Variants in ZCWPW2 observed in about 807,000 individuals in gnomAD.
The protein encoded by ZCWPW2 is zinc finger CW-type PWWP domain protein 2.
In ZCWPW2, 45 loss-of-function variants were observed where a neutral mutation model predicts 46.6. The ratio of observed to expected loss-of-function variants is 0.96; its 90% CI spans 0.76 to 1.24. The LOEUF is 1.24. Among genes scored for constraint, ZCWPW2 ranks in the 50% most tolerant of loss-of-function variants. The pLI is 0.00. For synonymous variants in ZCWPW2, 152 were observed against 137.1 expected, an observed-to-expected ratio of 1.11 and a Z score of -0.76; for missense variants, 429 against 403.9, an observed-to-expected ratio of 1.06 and a Z score of -0.53.
intron 3 of ZCWPW2, among the ~76,000 whole-genome samples, chr3:28,430,517 G>A (rs1025440898): frequency 1.9e-4 from 29 of 152,318 alleles, no homozygotes; most frequent in African/African-American, 6.3e-4. Flanking sequence ...GGTTAAGCTG[G>A]AATGAGTTAA....
chr3:28,492,356 CTTATA>C (rs889516606), intron 6 of ZCWPW2, among the ~76,000 whole-genome samples, 183 bp downstream of exon 6: 17 of 152,048 alleles, frequency 1.1e-4, no homozygotes, highest in African/African-American at 4.1e-4. Flanking sequence ...TTTATGGTTA[CTTATA>C]TTAATGTTAT....
At chr3:28,461,690 C>A (rs1244866051) in intron 4 of ZCWPW2, 3 of 152,022 alleles carry the variant, frequency 2.0e-5, no homozygotes, top group Non-Finnish European at 4.4e-5. Context: ...TGAAATTCTT[C>A]TAGGTTCCAA....
At chr3:28,401,909 G>A (rs2125729031) in intron 2 of ZCWPW2, among the ~76,000 whole-genome samples, 1 of 151,492 alleles carries the variant, frequency 6.6e-6, no homozygotes, top group East Asian at 1.9e-4. Flanking sequence ...AAAACCTCTG[G>A]GATACAGCAA....
chr3:28,423,588 G>A (rs1168810160), intron 3 of ZCWPW2, among the ~76,000 whole-genome samples: 2 of 151,712 alleles, frequency 1.3e-5, no homozygotes, highest in Admixed American at 6.6e-5. Flanking sequence ...GGATGGTCTC[G>A]ATCTCCTAAC....
chr3:28,485,194 A>G (rs1699557348), intron 5 of ZCWPW2, among the ~76,000 whole-genome samples: 1 of 151,636 alleles, frequency 6.6e-6, no homozygotes, highest in Non-Finnish European at 1.5e-5. Flanking sequence ...TTAATCTCCA[A>G]GTATTTTGGA....
At chr3:28,505,106 T>G (rs1345697844) in intron 6 of ZCWPW2, among the ~76,000 whole-genome samples, 1 of 152,160 alleles carries the variant, frequency 6.6e-6, no homozygotes, top group Non-Finnish European at 1.5e-5. Context: ...CTTTTATGCC[T>G]TTTGTTTAGG....
At chr3:28,515,254 A>T (rs1233084708) in intron 7 of ZCWPW2, among the ~76,000 whole-genome samples, 1 of 152,132 alleles carries the variant, frequency 6.6e-6, no homozygotes, top group African/African-American at 2.4e-5. Flanking sequence ...TCAAATTCTC[A>T]GTTTCTTTAT....
intron 4 of ZCWPW2, among the ~76,000 whole-genome samples, chr3:28,455,502 G>A (rs2125783577): frequency 6.6e-6 from 1 of 151,666 alleles, no homozygotes; most frequent in African/African-American, 2.4e-5. Flanking sequence ...GATCCCATTT[G>A]TCAATTTTTG....
At chr3:28,388,222 C>T (rs1339575488) in intron 1 of ZCWPW2, among the ~76,000 whole-genome samples, 1 of 152,140 alleles carries the variant, frequency 6.6e-6, no homozygotes, top group Non-Finnish European at 1.5e-5. Context: ...TAGTGCTAAT[C>T]TCGTCCAAAA....
chr3:28,393,174 A>G (rs1443169013), intron 2 of ZCWPW2, among the ~76,000 whole-genome samples: 2 of 152,128 alleles, frequency 1.3e-5, no homozygotes, highest in Admixed American at 6.5e-5. Flanking sequence ...GAACAATTAT[A>G]TGACAACAAA....
chr3:28,406,239 G>A (rs1696153042), intron 2 of ZCWPW2, among the ~76,000 whole-genome samples: 1 of 152,186 alleles, frequency 6.6e-6, no homozygotes, highest in South Asian at 2.1e-4. Flanking sequence ...AGTAAAGAAT[G>A]AGAAAGCATG....
At chr3:28,437,266 G>A (rs1697538799) in intron 4 of ZCWPW2, among the ~76,000 whole-genome samples, 1 of 152,106 alleles carries the variant, frequency 6.6e-6, no homozygotes, top group East Asian at 1.9e-4. Context: ...ACTGGTTATT[G>A]CTAAATCTTA....
chr3:28,468,010 G>A (rs994821197), intron 4 of ZCWPW2, among the ~76,000 whole-genome samples: 18 of 152,086 alleles, frequency 1.2e-4, no homozygotes, highest in African/African-American at 3.9e-4. Context: ...GAAGAGATAC[G>A]TGACCTTTCA....
intron 1 of ZCWPW2, among the ~76,000 whole-genome samples, chr3:28,389,673 T>G (rs1402286360): frequency 6.6e-6 from 1 of 152,214 alleles, no homozygotes; most frequent in African/African-American, 2.4e-5. Context: ...AGAATCTGTC[T>G]TAGAGTTCTT....
chr3:28,373,777 A>G (rs1274029766), intron 1 of ZCWPW2, among the ~76,000 whole-genome samples: 1 of 151,928 alleles, frequency 6.6e-6, no homozygotes, highest in African/African-American at 2.4e-5. Context: ...ACCTGGCTCC[A>G]TTTGTATGTC....
intron 4 of ZCWPW2, among the ~76,000 whole-genome samples, chr3:28,473,573 C>A (rs867661236): frequency 6.6e-6 from 1 of 152,090 alleles, no homozygotes; most frequent in Non-Finnish European, 1.5e-5. Context: ...AAGAGATAAT[C>A]TACACTCTAA....
intron 1 of ZCWPW2, among the ~76,000 whole-genome samples, chr3:28,376,111 C>T (rs1173389159): frequency 1.3e-5 from 2 of 151,934 alleles, no homozygotes; most frequent in Non-Finnish European, 2.9e-5. Context: ...CATAGGGGTA[C>T]CGATGTCTTT....
chr3:28,368,047 A>G (rs534510869), intron 1 of ZCWPW2, among the ~76,000 whole-genome samples: 11 of 152,030 alleles, frequency 7.2e-5, no homozygotes, highest in Non-Finnish European at 1.3e-4. Context: ...ATCTCTGCAC[A>G]TGAGATGGGT....
intron 4 of ZCWPW2, among the ~76,000 whole-genome samples, chr3:28,444,632 A>G (rs1288795005): frequency 6.6e-6 from 1 of 152,090 alleles, no homozygotes; most frequent in African/African-American, 2.4e-5. Context: ...CAGGTCAGTC[A>G]CTCGCATGAT....
Sources: gnomAD v4.1 joint callset for allele counts (sites outside exome capture counted in the v4.1 genomes callset) on GRCh38, gnomAD v4.1.1 for gene constraint, MANE v1.5 for transcripts, NCBI Gene and HGNC (gene_info 2026-07-23, HGNC 2026-07-21) for gene names.